The following SFMBT1 variants were observed in gnomAD, a reference collection of about 807,000 sequenced individuals.
The protein encoded by SFMBT1 is scm-like with four MBT domains protein 1.
In SFMBT1, 32 loss-of-function variants were observed where a neutral mutation model predicts 108.7. The ratio of observed to expected loss-of-function variants is 0.29; its 90% confidence interval spans 0.22 to 0.40. SFMBT1 has a LOEUF of 0.40. Ranked by LOEUF, SFMBT1 falls within the 10% of genes least tolerant of loss-of-function variation. The probability of loss-of-function intolerance (pLI) is 1.00; values close to 1 mark genes in which losing one functional copy is unlikely to be tolerated. For missense variants in SFMBT1, 816 were observed against 1,059.6 expected, an observed-to-expected ratio of 0.77 and a Z score of 3.19; for synonymous variants, 348 against 369.5, an observed-to-expected ratio of 0.94 and a Z score of 0.67.
chr3:53,042,769 T>C (rs1575458612), intron 1 of SFMBT1, among the ~76,000 whole-genome samples: 1 of 143,484 alleles, frequency 7.0e-6, no homozygotes, highest in African/African-American at 3.0e-5. Context: ...TGTAATAGAT[T>C]TTAAATTAAA....
intron 1 of SFMBT1, among the ~76,000 whole-genome samples, chr3:52,974,833 TAAAAAAAAA>T (rs10646648): frequency 2.2e-5 from 2 of 90,712 alleles, no homozygotes; most frequent in Non-Finnish European, 4.5e-5. Context: ...CTATAAAAAG[TAAAAAAAAA>T]AAAAAAAAAA....
chr3:52,996,008 T>A lies in SFMBT1; in HGVS notation c.-130-26750A>T, dbSNP rs1698314851. Among the ~76,000 whole-genome samples the A allele has an allele frequency of 2.7e-5, 4 of 147,762 alleles. No individual in the cohort carries two copies. The Admixed American group carries it at 2.8e-4, about 10-fold the overall frequency. On this transcript the variant is annotated intron_variant, in intron 1 of 20. Transcript: ENST00000394752. ...ATCACTTGAACCCGGGAGGCGGAGGTTGCAGTGAGCCAAGATCACACCACT... is the reference window on the plus strand; with the variant it reads ...ATCACTTGAACCCGGGAGGCGGAGGATGCAGTGAGCCAAGATCACACCACT...
intron 3 of SFMBT1, among the ~76,000 whole-genome samples, chr3:52,952,732 G>A (rs1045789337): frequency 2.0e-5 from 3 of 152,164 alleles, no homozygotes; most frequent in African/African-American, 4.8e-5. Flanking sequence ...TCCCATTCAT[G>A]AGAAAAAACC....
rs1702489043 is a variant in SFMBT1 at position 52,920,526 on chromosome 3, T to C, written c.1372+11A>G. On this transcript the variant is annotated intron_variant, in intron 12 of 20. Transcript: ENST00000394752. ...AACAATCAATCCTCTAACCCAGAAA[T>C]AGACAGATACCTCGTGCTCGGCGAG... The C allele has an allele frequency of 1.2e-6, 2 of 1,600,482 alleles. No homozygotes were observed. Among genetic ancestry groups the C allele is most frequent in the Non-Finnish European group, 1.7e-6 (2 of 1,168,732 alleles).
At chr3:52,905,402 C>T (rs1348026449) in intron 20 of SFMBT1, 126 bp from the exon 21 acceptor site, 31 of 917,824 alleles carry the variant, frequency 3.4e-5, no homozygotes, top group Middle Eastern at 5.2e-4. Flanking sequence ...CTTACTTTTT[C>T]GTCTTAGGTA....
At chr3:52,980,446 C>T (rs1014012814) in intron 1 of SFMBT1, among the ~76,000 whole-genome samples, 1 of 152,066 alleles carries the variant, frequency 6.6e-6, no homozygotes, top group African/African-American at 2.4e-5. Context: ...ACACATTTTT[C>T]ATGATGCTTA....
At chr3:52,970,515 C>A (rs2106861618) in intron 1 of SFMBT1, among the ~76,000 whole-genome samples, 1 of 152,180 alleles carries the variant, frequency 6.6e-6, no homozygotes, top group East Asian at 1.9e-4. Flanking sequence ...AAGATATTAT[C>A]TTAATATGTG....
At chr3:53,002,399 A>G (rs1004800252) in intron 1 of SFMBT1, among the ~76,000 whole-genome samples, 4 of 100,602 alleles carry the variant, frequency 4.0e-5, no homozygotes, top group Non-Finnish European at 8.8e-5. Context: ...ACTCCGTCTC[A>G]ATAAAAAAAA....
At position 52,968,465 on chromosome 3, in the gene SFMBT1, G is replaced by A. The variant is rs1704220896; in HGVS notation, c.28+636C>T. 1.3e-5 allele frequency among the ~76,000 whole-genome samples: 2 copies of A among 152,140 alleles called. 1 individual carries two copies. Among genetic ancestry groups the A allele is most frequent in the South Asian group, 4.1e-4 (2 of 4,824 alleles). On this transcript the variant is annotated intron_variant, in intron 2 of 20. Coordinates refer to ENST00000394752, the MANE Select transcript of SFMBT1 (RefSeq NM_016329.4). ...TAGTAACTAATGAGAGAAACTGGGT[G>A]AAAGGAACATGAAATATGTCAGTAA...
chr3:52,943,675 C>G (rs1455352369), intron 3 of SFMBT1, 82 bp from the exon 4 acceptor site: 3 of 1,566,984 alleles, frequency 1.9e-6, no homozygotes, highest in East Asian at 2.2e-5. Flanking sequence ...TTAAGACTTA[C>G]AATTCCGAAG....
chr3:52,994,435 T>A (rs1325256166), intron 1 of SFMBT1, among the ~76,000 whole-genome samples: 1 of 149,162 alleles, frequency 6.7e-6, no homozygotes, highest in Non-Finnish European at 1.5e-5. Flanking sequence ...TGAACTATCT[T>A]TCAAAAAAAA....
intron 1 of SFMBT1, among the ~76,000 whole-genome samples, chr3:53,040,981 T>A (rs1427472923): frequency 1.0e-5 from 1 of 95,390 alleles, no homozygotes; most frequent in East Asian, 3.0e-4. Context: ...TTTTTTTTTT[T>A]TTTTTTTTTT....
intron 1 of SFMBT1, among the ~76,000 whole-genome samples, chr3:53,040,968 ATTTTTTTTTTTTTT>A (rs57640588): frequency 1.7e-4 from 8 of 46,382 alleles, no homozygotes; most frequent in Non-Finnish European, 2.4e-4. Flanking sequence ...AGACACCTGA[ATTTTTTTTTTTTTT>A]TTTTTTTTTT....
At chr3:52,974,655 G>T (rs1704454740) in intron 1 of SFMBT1, among the ~76,000 whole-genome samples, 1 of 151,992 alleles carries the variant, frequency 6.6e-6, no homozygotes, top group East Asian at 1.9e-4. Flanking sequence ...CAAGGTTTTA[G>T]TTCAATTTTG....
At chr3:52,937,416 T>G (rs1056253352) in intron 4 of SFMBT1, among the ~76,000 whole-genome samples, 1 of 152,206 alleles carries the variant, frequency 6.6e-6, no homozygotes, top group Non-Finnish European at 1.5e-5. Context: ...TTTTAGGAAT[T>G]GCTTTCTAAA....
At chr3:53,024,443 A>T (rs116347702) in intron 1 of SFMBT1, among the ~76,000 whole-genome samples, 6 of 149,982 alleles carry the variant, frequency 4.0e-5, no homozygotes, top group African/African-American at 1.5e-4. Context: ...AATGGCGAGG[A>T]TATCTGAGAG....
intron 4 of SFMBT1, among the ~76,000 whole-genome samples, chr3:52,935,577 A>G (rs1473404407): frequency 6.6e-6 from 1 of 152,240 alleles, no homozygotes; most frequent in Admixed American, 6.5e-5. Flanking sequence ...CAGATAGCAT[A>G]TAATTTCATC....
At chr3:52,918,645 ATATATGTGTGTGTG>A (rs887828484) in intron 12 of SFMBT1, 119 bp from the exon 13 acceptor site, 26 of 500,190 alleles carry the variant, frequency 5.2e-5, no homozygotes, top group Admixed American at 1.3e-4. Flanking sequence ...GTGTGTGTGT[ATATATGTGTGTGTG>A]TATATATATA....
At chr3:52,932,438 G>T in intron 5 of SFMBT1, 130 bp from the exon 6 acceptor site, 1 of 837,616 alleles carries the variant, frequency 1.2e-6, no homozygotes, top group Non-Finnish European at 1.8e-6. Flanking sequence ...ACACTAAATT[G>T]TCTATCATCA....
Sources: allele counts gnomAD v4.1 joint callset (sites outside exome capture counted in the v4.1 genomes callset), GRCh38; gene constraint gnomAD v4.1.1; transcripts MANE v1.5; gene names NCBI Gene and HGNC (gene_info 2026-07-23, HGNC 2026-07-21).